The following STAP1 variants were observed in gnomAD, a reference collection of about 807,000 sequenced individuals.
STAP1 encodes signal-transducing adaptor protein 1.
Under a neutral mutation model 37.8 loss-of-function variants are expected in STAP1, and 30 were observed. That is an observed-to-expected ratio of 0.79 (90% confidence interval 0.59 to 1.08). STAP1 has a LOEUF of 1.08. Among genes scored for constraint, STAP1 ranks in the 50% least tolerant of loss-of-function variants. STAP1 has a pLI of 0.00. For synonymous variants in STAP1, 130 were observed against 116.0 expected, an observed-to-expected ratio of 1.12 and a Z score of -0.78; for missense variants, 357 against 349.4, an observed-to-expected ratio of 1.02 and a Z score of -0.17.
rs140242248 is a variant in STAP1, at chr4:67,575,489, A to G, written c.297A>G (p.Val99=). The G allele has an allele frequency of 1.0e-4, 166 of 1,608,780 alleles. No individual in the cohort carries two copies. Among genetic ancestry groups the G allele is most frequent in the Non-Finnish European group, 1.3e-4 (157 of 1,177,454 alleles). ...KFTLVLPKEE[V]QLKTENTESG... ...CCCTTGTTTTGCCGAAAGAGGAAGT[A>G]CAACTGAAGGTGAGCGAGGAGAAAC... The change falls in exon 3 of 9, where the codon GTA becomes GTG. Residue 99 remains valine, a synonymous_variant. Transcript: ENST00000265404.
At chr4:67,581,521 T>C in intron 5 of STAP1, 50 bp downstream of exon 5, 1 of 1,552,554 alleles carries the variant, frequency 6.4e-7, no homozygotes, top group Non-Finnish European at 8.7e-7. Flanking sequence ...TAAAACTAAT[T>C]TCTAATTATA....
At chr4:67,567,119 G>T (rs565119168) in intron 1 of STAP1, among the ~76,000 whole-genome samples, 1 of 152,280 alleles carries the variant, frequency 6.6e-6, no homozygotes, top group East Asian at 1.9e-4. Context: ...TTTGGATGGG[G>T]TTGAAATTAA....
At chr4:67,589,311 GT>G (rs1240523923) in intron 6 of STAP1, among the ~76,000 whole-genome samples, 1 of 152,166 alleles carries the variant, frequency 6.6e-6, no homozygotes, top group Non-Finnish European at 1.5e-5. Flanking sequence ...GTTAAGGAAT[GT>G]TTTCTTTTAG....
At chr4:67,584,539 T>C (rs778407499) in intron 6 of STAP1, among the ~76,000 whole-genome samples, 1 of 152,130 alleles carries the variant, frequency 6.6e-6, no homozygotes, top group Non-Finnish European at 1.5e-5. Context: ...GAGCACATTT[T>C]TATGGTTGCT....
In STAP1 at chr4:67,575,298, G is replaced by A; in HGVS notation, c.193-87G>A. 4 of 799,004 alleles carry A rather than the reference G, an allele frequency of 5.0e-6. No homozygotes were observed. The South Asian group carries it at 7.9e-5, about 16-fold the overall frequency. 49.5% of individuals were successfully genotyped at this position (799,004 alleles called of 1,614,324 possible). A position where few individuals can be genotyped will look rare whatever the true frequency, so the allele number is the denominator to read the frequency against. On this transcript the variant is annotated intron_variant, in intron 2 of 8. Coordinates refer to ENST00000265404, the MANE Select transcript of STAP1 (RefSeq NM_012108.4). The stretch of plus-strand genomic sequence containing the variant: ...CATACAAAGTACTAATTAGTTGAAA[G>A]GAAGATATTACTTATTTTGCTTCCT...
chr4:67,591,306 C>CT (rs989417873), intron 7 of STAP1, among the ~76,000 whole-genome samples: 1 of 152,168 alleles, frequency 6.6e-6, no homozygotes, highest in South Asian at 2.1e-4. Flanking sequence ...ACCTGTCTTG[C>CT]TGAAGTTCAG....
chr4:67,567,794 T>C (rs1207471261), intron 1 of STAP1, among the ~76,000 whole-genome samples: 1 of 152,184 alleles, frequency 6.6e-6, no homozygotes, highest in Non-Finnish European at 1.5e-5. Context: ...TGTCCCTCCC[T>C]TCCCAGTCAT....
chr4:67,605,047 T>C (rs1728420986), intron 8 of STAP1, among the ~76,000 whole-genome samples: 1 of 152,160 alleles, frequency 6.6e-6, no homozygotes, highest in African/African-American at 2.4e-5. Flanking sequence ...ATAACTCTTT[T>C]CCAGCTGTCA....
intron 1 of STAP1, among the ~76,000 whole-genome samples, chr4:67,567,865 A>G (rs1727505978): frequency 6.6e-6 from 1 of 152,242 alleles, no homozygotes; most frequent in Admixed American, 6.5e-5. Flanking sequence ...CCATTCAGCC[A>G]TAGCCAAGCA....
intron 6 of STAP1, among the ~76,000 whole-genome samples, chr4:67,587,867 T>A (rs990822156): frequency 4.6e-5 from 7 of 151,232 alleles, no homozygotes; most frequent in African/African-American, 1.5e-4. Context: ...ATTACAAGCA[T>A]GTGCCACCAC....
intron 1 of STAP1, among the ~76,000 whole-genome samples, chr4:67,562,077 AAAAAAAAAAAAAAAG>A (rs1727354835): frequency 7.4e-6 from 1 of 135,674 alleles, no homozygotes; most frequent in African/African-American, 2.6e-5. Flanking sequence ...TCAAAAAAAA[AAAAAAAAAAAAAAAG>A]AAAGAAAGAG....
chr4:67,571,049 C>G (rs775943885), intron 1 of STAP1, 35 bp from the exon 2 acceptor site: 2 of 1,509,280 alleles, frequency 1.3e-6, no homozygotes, highest in South Asian at 1.1e-5. Flanking sequence ...TGAATATACA[C>G]TAATGAAATA....
At chr4:67,599,128 G>A (rs1483679585) in intron 8 of STAP1, among the ~76,000 whole-genome samples, 3 of 152,120 alleles carry the variant, frequency 2.0e-5, no homozygotes, top group Non-Finnish European at 2.9e-5. Flanking sequence ...GTATTTTGTT[G>A]AGGAGTTTTA....
chr4:67,574,083 G>A (rs1727666763), intron 2 of STAP1, among the ~76,000 whole-genome samples: 1 of 152,022 alleles, frequency 6.6e-6, no homozygotes, highest in Admixed American at 6.6e-5. Flanking sequence ...TGCAGTAAAT[G>A]CTGAATAGCT....
rs1293083275 is a variant in STAP1, at chr4:67,582,303, TTTTTTTTTG to T, written c.530+851_530+859del. On this transcript the variant is annotated intron_variant, in intron 5 of 8. Coordinates refer to ENST00000265404, the MANE Select transcript of STAP1 (RefSeq NM_012108.4). The stretch of plus-strand genomic sequence containing the variant: ...AGATATTTGCTATTAACATTTTAGT[TTTTTTTTTG>T]TTTTTTTTGTTTTTTTTGAGACAGT... Among the ~76,000 whole-genome samples the T allele has an allele frequency of 3.7e-5, 5 of 134,944 alleles. No homozygotes were observed. In the East Asian group the frequency reaches 6.3e-4, roughly 17 times the overall value. 88.5% of individuals were successfully genotyped at this position (134,944 alleles called of 152,430 possible). A position where few individuals can be genotyped will look rare whatever the true frequency, so the allele number is the denominator to read the frequency against.
At chr4:67,592,570 C>T (rs2109872603) in intron 7 of STAP1, among the ~76,000 whole-genome samples, 1 of 152,254 alleles carries the variant, frequency 6.6e-6, no homozygotes, top group East Asian at 1.9e-4. Flanking sequence ...GACTAGGACG[C>T]AGTTACTTGT....
intron 8 of STAP1, among the ~76,000 whole-genome samples, chr4:67,598,947 G>A (rs1368742867): frequency 6.6e-6 from 1 of 152,110 alleles, no homozygotes; most frequent in Admixed American, 6.5e-5. Context: ...TTTATCAAAT[G>A]CTTTTTCAGC....
chr4:67,574,420 AG>A, intron 2 of STAP1, among the ~76,000 whole-genome samples: 1 of 152,326 alleles, frequency 6.6e-6, no homozygotes, highest in Non-Finnish European at 1.5e-5. Context: ...ATGAGTAAAA[AG>A]AAAGTAAAAT....
chr4:67,561,923 T>C (rs1727348151), intron 1 of STAP1, among the ~76,000 whole-genome samples: 1 of 151,520 alleles, frequency 6.6e-6, no homozygotes, highest in African/African-American at 2.4e-5. Flanking sequence ...AATACAAAAA[T>C]TAGCAGGGCA....
Sources: gnomAD v4.1 joint callset for allele counts (sites outside exome capture counted in the v4.1 genomes callset) on GRCh38, gnomAD v4.1.1 for gene constraint, MANE v1.5 for transcripts, NCBI Gene and HGNC (gene_info 2026-07-23, HGNC 2026-07-21) for gene names.